Variants in BRINP3 observed in about 807,000 individuals in gnomAD.
BRINP3 encodes BMP/retinoic acid-inducible neural-specific protein 3.
BRINP3 carries 19 observed loss-of-function variants against 71.0 expected under a neutral mutation model. The observed-to-expected ratio is 0.27, with a 90% CI of 0.19 to 0.39. The LOEUF (loss-of-function observed/expected upper bound fraction) is 0.39. BRINP3 is among the 10% of genes least tolerant of loss of function. The probability of loss-of-function intolerance (pLI) is 1.00; values close to 1 mark genes in which losing one functional copy is unlikely to be tolerated. For synonymous variants in BRINP3, 380 were observed against 337.7 expected (o/e 1.13, Z -1.37); for missense variants, 959 against 940.8 (o/e 1.02, Z -0.25).
chr1:190,138,031 C>T (rs1277141931), intron 7 of BRINP3, among the ~76,000 whole-genome samples: 4 of 151,854 alleles, frequency 2.6e-5, no homozygotes, highest in South Asian at 2.1e-4. Context: ...CTCGGCTCAC[C>T]GCAACCTCTG....
intron 2 of BRINP3, among the ~76,000 whole-genome samples, chr1:190,406,176 G>C (rs550004681): frequency 6.6e-6 from 1 of 152,294 alleles, no homozygotes; most frequent in East Asian, 1.9e-4. Flanking sequence ...TGTAAATGTA[G>C]TGATTGTTAC....
At chr1:190,424,919 C>A (rs2102476422) in intron 2 of BRINP3, among the ~76,000 whole-genome samples, 1 of 151,564 alleles carries the variant, frequency 6.6e-6, no homozygotes, top group East Asian at 1.9e-4. Context: ...TGAAACAGCA[C>A]ACCCTGGGAG....
intron 5 of BRINP3, among the ~76,000 whole-genome samples, chr1:190,233,766 A>G (rs1658236955): frequency 6.6e-6 from 1 of 152,212 alleles, no homozygotes; most frequent in Non-Finnish European, 1.5e-5. Flanking sequence ...GCATGTATGC[A>G]TAATTATTGT....
chr1:190,469,949 C>T (rs984228320), intron 1 of BRINP3, among the ~76,000 whole-genome samples: 1 of 150,878 alleles, frequency 6.6e-6, no homozygotes, highest in African/African-American at 2.4e-5. Flanking sequence ...TTTAGACTGG[C>T]TTACATTTTT....
intron 2 of BRINP3, among the ~76,000 whole-genome samples, chr1:190,453,597 A>C (rs1485838230): frequency 1.3e-5 from 2 of 151,998 alleles, no homozygotes; most frequent in African/African-American, 2.4e-5. Flanking sequence ...GGAATAAGGG[A>C]TTTCTTATTT....
chr1:190,139,751 C>T (rs2419370), intron 7 of BRINP3, among the ~76,000 whole-genome samples: 90,668 of 151,880 alleles, frequency 0.6, 28,920 homozygotes, highest in African/African-American at 0.84. Flanking sequence ...ATATAGCATA[C>T]GACATAAATC....
chr1:190,280,218 G>A (rs1662930011), intron 3 of BRINP3, among the ~76,000 whole-genome samples: 1 of 151,808 alleles, frequency 6.6e-6, no homozygotes, highest in African/African-American at 2.4e-5. Context: ...AATAACATTT[G>A]GGTAGAAAAA....
At chr1:190,172,464 T>C (rs1652102238) in intron 6 of BRINP3, among the ~76,000 whole-genome samples, 1 of 152,064 alleles carries the variant, frequency 6.6e-6, no homozygotes, top group Admixed American at 6.6e-5. Context: ...TGTCAGAAAA[T>C]GGACTTTATT....
chr1:190,161,848 C>T (rs536143306), intron 6 of BRINP3, among the ~76,000 whole-genome samples: 2 of 152,154 alleles, frequency 1.3e-5, no homozygotes, highest in South Asian at 2.1e-4. Context: ...CATAGACAGA[C>T]CTTTAAGATA....
chr1:190,126,030 A>T (rs1021585898), intron 7 of BRINP3, among the ~76,000 whole-genome samples: 8 of 151,952 alleles, frequency 5.3e-5, no homozygotes, highest in African/African-American at 1.7e-4. Flanking sequence ...GTATCCTGTG[A>T]AAGCTACCAT....
chr1:190,399,247 C>G (rs1671776512), intron 2 of BRINP3, among the ~76,000 whole-genome samples: 1 of 151,664 alleles, frequency 6.6e-6, no homozygotes, highest in African/African-American at 2.4e-5. Context: ...AAATATCCAC[C>G]TCCCCCAAAC....
chr1:190,303,935 T>C (rs1222129082), intron 2 of BRINP3, among the ~76,000 whole-genome samples: 3 of 151,566 alleles, frequency 2.0e-5, no homozygotes, highest in Non-Finnish European at 3.0e-5. Context: ...TCATAAATAA[T>C]TTATTTTTTC....
At chr1:190,258,270 G>A (rs755864425) in intron 4 of BRINP3, among the ~76,000 whole-genome samples, 2 of 152,182 alleles carry the variant, frequency 1.3e-5, no homozygotes, top group Non-Finnish European at 2.9e-5. Flanking sequence ...GCAAGGCTCC[G>A]TGGGCATGGG....
intron 2 of BRINP3, among the ~76,000 whole-genome samples, chr1:190,449,265 T>C (rs1364519439): frequency 6.6e-6 from 1 of 152,016 alleles, no homozygotes; most frequent in Non-Finnish European, 1.5e-5. Flanking sequence ...AACTCCTTTT[T>C]ATTTTCACCC....
At chr1:190,246,086 C>T (rs543284499) in intron 4 of BRINP3, among the ~76,000 whole-genome samples, 3 of 98,556 alleles carry the variant, frequency 3.0e-5, no homozygotes, top group South Asian at 3.7e-4. Context: ...GTCTTTATAG[C>T]AGCATGTTTT....
chr1:190,139,261 A>T (rs147871334), intron 7 of BRINP3, among the ~76,000 whole-genome samples: 44 of 151,966 alleles, frequency 2.9e-4, no homozygotes, highest in Admixed American at 5.2e-4. Context: ...CAGCCTGGGC[A>T]ACATGGTGAA....
intron 3 of BRINP3, 48 bp downstream of exon 3, chr1:190,281,512 T>G: frequency 6.4e-7 from 1 of 1,557,024 alleles, no homozygotes; most frequent in Non-Finnish European, 8.8e-7. Flanking sequence ...ATTTATACGG[T>G]TTTAGGCACA....
intron 4 of BRINP3, among the ~76,000 whole-genome samples, chr1:190,246,715 G>A (rs373533259): frequency 6.6e-6 from 1 of 152,038 alleles, no homozygotes; most frequent in Non-Finnish European, 1.5e-5. Flanking sequence ...CTGATGAAAT[G>A]TAGGAGCTGT....
intron 2 of BRINP3, among the ~76,000 whole-genome samples, chr1:190,408,048 G>A (rs1193494536): frequency 1.5e-5 from 2 of 133,282 alleles, no homozygotes; most frequent in Non-Finnish European, 3.1e-5. Flanking sequence ...TTGAGATGGA[G>A]TCTCGCTCTG....
Sources: allele counts gnomAD v4.1 joint callset (sites outside exome capture counted in the v4.1 genomes callset), GRCh38; gene constraint gnomAD v4.1.1; transcripts MANE v1.5; gene names NCBI Gene and HGNC (gene_info 2026-07-23, HGNC 2026-07-21).